The following AGK variants were observed in gnomAD, a reference collection of about 807,000 sequenced individuals.
The protein encoded by AGK is acylglycerol kinase, mitochondrial.
AGK carries 52 observed loss-of-function variants against 66.4 expected under a neutral mutation model. The ratio of observed to expected loss-of-function variants is 0.78; its 90% CI spans 0.63 to 0.99. The LOEUF (loss-of-function observed/expected upper bound fraction) is 0.99. AGK is among the 50% of genes least tolerant of loss of function. AGK has a pLI of 0.00. For missense variants in AGK, 451 were observed against 506.6 expected (o/e 0.89, Z 1.05); for synonymous variants, 182 against 181.1 (o/e 1.00, Z -0.04).
chr7:141,587,851 C>G (rs941392936), intron 2 of AGK, among the ~76,000 whole-genome samples: 1 of 152,316 alleles, frequency 6.6e-6, no homozygotes, highest in East Asian at 1.9e-4. Flanking sequence ...TATTCACCAG[C>G]GTGTCCAAGA....
intron 13 of AGK, among the ~76,000 whole-genome samples, chr7:141,648,879 G>A (rs1268908088): frequency 6.6e-6 from 1 of 152,166 alleles, no homozygotes; most frequent in Non-Finnish European, 1.5e-5. Flanking sequence ...GTCATGTGAA[G>A]CTCATGTACA....
chr7:141,588,966 G>A (rs147359772), intron 2 of AGK, among the ~76,000 whole-genome samples: 1,866 of 152,268 alleles, frequency 0.012, 47 homozygotes, highest in African/African-American at 0.041. Flanking sequence ...GTGGATTTTC[G>A]TTGGTGTCTT....
intron 13 of AGK, 114 bp downstream of exon 13, chr7:141,642,022 G>A (rs1228553353): frequency 1.1e-6 from 1 of 913,514 alleles, no homozygotes; most frequent in East Asian, 2.6e-5. Context: ...AGATAGAGAG[G>A]GCAGTGTCAG....
chr7:141,557,739 T>A (rs1795243160), intron 2 of AGK, among the ~76,000 whole-genome samples: 1 of 152,212 alleles, frequency 6.6e-6, no homozygotes, highest in South Asian at 2.1e-4. Flanking sequence ...CCCTTGACAT[T>A]CAATGTTACT....
intron 9 of AGK, among the ~76,000 whole-genome samples, chr7:141,632,611 G>A (rs1010052841): frequency 2.0e-5 from 3 of 152,158 alleles, no homozygotes; most frequent in Non-Finnish European, 4.4e-5. Flanking sequence ...CTTAGATGGG[G>A]CATTGTCAAG....
Position 141,555,354 on chromosome 7 carries a change from TGA to T in AGK, c.-14-93_-14-92del. ...GAGGAGTGAGTGGGAAAAAAAGGAG[TGA>T]GAGAGGATAAAAGAATGGAAGACAG... On this transcript the variant is annotated intron_variant, in intron 1 of 15. Coordinates refer to ENST00000649286, the MANE Select transcript of AGK (RefSeq NM_018238.4). This position sits in a 1 kb window ranked among gnomAD's most constrained non-coding sequence, Gnocchi z 4.2. The T allele has an allele frequency of 5.5e-6, 4 of 725,332 alleles. No homozygotes were observed. Among genetic ancestry groups the T allele is most frequent in the Admixed American group, 3.1e-5 (1 of 32,550 alleles). 44.9% of individuals were successfully genotyped at this position (725,332 alleles called of 1,614,324 possible).
intron 2 of AGK, among the ~76,000 whole-genome samples, chr7:141,575,594 A>G (rs1046610735): frequency 6.7e-5 from 10 of 150,252 alleles, no homozygotes; most frequent in African/African-American, 2.5e-4. Context: ...GACTCTTCCA[A>G]TCTGAAAAAC....
chr7:141,637,556 A>G (rs1292651394), intron 11 of AGK, among the ~76,000 whole-genome samples: 6 of 152,174 alleles, frequency 3.9e-5, no homozygotes, highest in African/African-American at 1.4e-4. Context: ...AATAAAAAAT[A>G]CTGGCATAGA....
At chr7:141,650,622 T>A (rs1281272951) in intron 14 of AGK, 1 of 985,342 alleles carries the variant, frequency 1.0e-6, no homozygotes, top group Non-Finnish European at 1.2e-6. Context: ...TTTACTGTAT[T>A]TCCACTGCCT....
chr7:141,641,114 C>A, intron 11 of AGK, 134 bp from the exon 12 acceptor site: 2 of 706,606 alleles, frequency 2.8e-6, no homozygotes, highest in Non-Finnish European at 4.4e-6. Context: ...AACTAGCATT[C>A]CATCCAGTGA....
chr7:141,630,045 C>A (rs901644658), intron 9 of AGK, among the ~76,000 whole-genome samples: 7 of 152,216 alleles, frequency 4.6e-5, no homozygotes, highest in African/African-American at 1.7e-4. Context: ...TAACTGGCTT[C>A]AAACCAAGTA....
At chr7:141,560,107 C>A (rs1795306300) in intron 2 of AGK, among the ~76,000 whole-genome samples, 1 of 152,086 alleles carries the variant, frequency 6.6e-6, no homozygotes, top group African/African-American at 2.4e-5. Context: ...GCTAGAACTT[C>A]CTGTGCTATG....
At chr7:141,552,058 C>G (rs1051423077) in intron 1 of AGK, among the ~76,000 whole-genome samples, 1 of 152,208 alleles carries the variant, frequency 6.6e-6, no homozygotes, top group African/African-American at 2.4e-5. Context: ...GGTTCCTCCT[C>G]TCTCACTTAC....
At position 141,653,016 on chromosome 7, in the gene AGK, A is replaced by G; in HGVS notation, c.*92A>G. The G allele has an allele frequency of 6.6e-7, 1 of 1,521,386 alleles. No individual in the cohort carries two copies. The highest frequency in any genetic ancestry group is 2.3e-5 in the East Asian group (1 of 44,132). The allele number at this position is 1,521,386 out of a possible 1,614,324, so 94.2% of individuals were successfully genotyped here. ...CCTCAGCCATCCCAACAGTGTCGTC[A>G]GAGGGTCCCCAGGGCATTTTCATGG... is the stretch of plus-strand genomic sequence containing the variant. On this transcript the variant is annotated 3_prime_UTR_variant, in exon 16 of 16. Transcript: ENST00000649286.
Position 141,633,900 on chromosome 7 carries a change from G to C in AGK, c.589-1G>C. The C allele has an allele frequency of 7.4e-6, 12 of 1,613,130 alleles. No individual in the cohort carries two copies. The highest frequency in any genetic ancestry group is 1.0e-5 in the Non-Finnish European group (12 of 1,179,114). ...TTAAATGAAATGTATTTAACTTCCA[G>C]GGTGAAAAGGAACAGCCTGTATTTG... On this transcript the variant is annotated splice_acceptor_variant, in intron 9 of 15. Transcript: ENST00000649286. LOFTEE classifies it high-confidence loss of function.
chr7:141,602,173 TTGTGTGTG>T (rs71172608), intron 5 of AGK, among the ~76,000 whole-genome samples: 10 of 125,380 alleles, frequency 8.0e-5, no homozygotes, highest in East Asian at 2.6e-4. Flanking sequence ...GGAGATTTTC[TTGTGTGTG>T]TGTGTGTGTG....
At chr7:141,567,677 C>T (rs976012082) in intron 2 of AGK, among the ~76,000 whole-genome samples, 15 of 152,206 alleles carry the variant, frequency 9.9e-5, no homozygotes, top group Admixed American at 7.9e-4. Flanking sequence ...CTGCTTTTAC[C>T]AAGCTTTCCA....
At chr7:141,630,367 A>C (rs1797029093) in intron 9 of AGK, among the ~76,000 whole-genome samples, 1 of 152,172 alleles carries the variant, frequency 6.6e-6, no homozygotes, top group African/African-American at 2.4e-5. Context: ...GGGTGACTAT[A>C]GTTGATAATA....
At chr7:141,638,203 AAGAT>A (rs1411292661) in intron 11 of AGK, among the ~76,000 whole-genome samples, 3 of 152,172 alleles carry the variant, frequency 2.0e-5, no homozygotes, top group Admixed American at 6.5e-5. Context: ...CTGTGAGAGA[AAGAT>A]AGAAAGATTA....
Sources: allele counts gnomAD v4.1 joint callset (sites outside exome capture counted in the v4.1 genomes callset), GRCh38; gene constraint gnomAD v4.1.1; non-coding constraint Gnocchi (gnomAD v3.1); transcripts MANE v1.5; gene names NCBI Gene and HGNC (gene_info 2026-07-23, HGNC 2026-07-21).